Variants in SPOCK1 observed in about 807,000 individuals in gnomAD.
SPOCK1 encodes testican-1.
Under a neutral mutation model 55.3 loss-of-function variants are expected in SPOCK1, and 23 were observed. That is an observed-to-expected ratio of 0.42 (90% CI 0.30 to 0.59). The LOEUF is 0.59. Ranked by LOEUF, SPOCK1 falls within the 20% of genes least tolerant of loss-of-function variation. The probability of loss-of-function intolerance (pLI) is 0.22; values close to 1 mark genes in which losing one functional copy is unlikely to be tolerated. For synonymous variants in SPOCK1, 226 were observed against 221.0 expected (o/e 1.02, Z -0.20); for missense variants, 499 against 552.5 (o/e 0.90, Z 0.97).
chr5:137,027,365 A>C (rs567836652), intron 6 of SPOCK1, among the ~76,000 whole-genome samples: 1 of 152,332 alleles, frequency 6.6e-6, no homozygotes, highest in East Asian at 1.9e-4. Context: ...GCTTATAAAA[A>C]TCTAGTGTTA....
intron 2 of SPOCK1, among the ~76,000 whole-genome samples, chr5:137,268,409 G>T (rs1044118041): frequency 1.3e-5 from 2 of 152,150 alleles, no homozygotes; most frequent in Non-Finnish European, 2.9e-5. Flanking sequence ...TCACCCATCT[G>T]GTTAGGGAGT....
chr5:136,985,818 A>G (rs995059703), intron 8 of SPOCK1, among the ~76,000 whole-genome samples: 3 of 152,188 alleles, frequency 2.0e-5, no homozygotes, highest in African/African-American at 7.2e-5. Flanking sequence ...TGTCATAGAA[A>G]AGAAGTTAGT....
chr5:137,029,102 C>T (rs1470329087), intron 6 of SPOCK1, among the ~76,000 whole-genome samples: 1 of 152,150 alleles, frequency 6.6e-6, no homozygotes, highest in Non-Finnish European at 1.5e-5. Context: ...GAGAGCCATA[C>T]CCAGAGAGTA....
intron 2 of SPOCK1, among the ~76,000 whole-genome samples, chr5:137,272,734 AC>A (rs35508523): frequency 0.72 from 74,154 of 102,496 alleles, 24,679 homozygotes; most frequent in African/African-American, 0.78. Flanking sequence ...ACCCACCCCC[AC>A]CCCCCCACCC....
chr5:137,207,507 A>G (rs900085714), intron 3 of SPOCK1, among the ~76,000 whole-genome samples: 5 of 152,202 alleles, frequency 3.3e-5, no homozygotes, highest in Non-Finnish European at 5.9e-5. Flanking sequence ...GGGTTTCCAT[A>G]TGCTTTACCT....
intron 2 of SPOCK1, among the ~76,000 whole-genome samples, chr5:137,279,283 G>C (rs935328924): frequency 6.6e-6 from 1 of 152,204 alleles, no homozygotes; most frequent in African/African-American, 2.4e-5. Flanking sequence ...TCTAGCCAGA[G>C]GAGAAGTAAC....
At position 137,136,401 on chromosome 5, in the gene SPOCK1, A is replaced by T. The variant is rs551574288; in HGVS notation, c.347+4179T>A. Among the ~76,000 whole-genome samples the T allele has an allele frequency of 1.7e-3, 266 of 152,284 alleles. 6 individuals are homozygous for T. The South Asian group carries it at 0.035, about 20-fold the overall frequency. ...ATGATGGAGACTGTCTCAAAAAAAA[A>T]TTATATCTATAAATAATTTGTAGTA... is the stretch of plus-strand genomic sequence containing the variant. On this transcript the variant is annotated intron_variant, in intron 4 of 10. Transcript: ENST00000394945.
intron 2 of SPOCK1, among the ~76,000 whole-genome samples, chr5:137,471,357 C>T (rs1753734126): frequency 6.6e-6 from 1 of 152,024 alleles, no homozygotes; most frequent in South Asian, 2.1e-4. Context: ...TTTTGTTTTG[C>T]TTTGACACCC....
intron 2 of SPOCK1, among the ~76,000 whole-genome samples, chr5:137,267,615 G>A (rs1756885162): frequency 6.6e-6 from 1 of 152,176 alleles, no homozygotes; most frequent in African/African-American, 2.4e-5. Flanking sequence ...AAAAACAAAG[G>A]CTGGCCAGTC....
At chr5:137,327,431 ATAACATAACGAAGTGT>A (rs1474381159) in intron 2 of SPOCK1, among the ~76,000 whole-genome samples, 16 of 152,346 alleles carry the variant, frequency 1.1e-4, no homozygotes, top group South Asian at 1.0e-3. Context: ...ATTCTAGAGT[ATAACATAACGAAGTGT>A]TAAATATCCC....
chr5:137,119,636 A>C (rs1277020177), intron 4 of SPOCK1, among the ~76,000 whole-genome samples: 4 of 152,242 alleles, frequency 2.6e-5, no homozygotes, highest in South Asian at 2.1e-4. Flanking sequence ...AACAAGGCAA[A>C]GAGAACTGAA....
At chr5:137,090,221 T>C (rs1403781068) in intron 5 of SPOCK1, among the ~76,000 whole-genome samples, 1 of 152,240 alleles carries the variant, frequency 6.6e-6, no homozygotes, top group Non-Finnish European at 1.5e-5. Context: ...AACAAACAAG[T>C]AATTTTTAGC....
intron 3 of SPOCK1, among the ~76,000 whole-genome samples, chr5:137,192,232 CAAAAAA>C (rs60401497): frequency 7.3e-5 from 5 of 68,250 alleles, no homozygotes; most frequent in Non-Finnish European, 1.4e-4. Context: ...GACTCTGTCT[CAAAAAA>C]AAAAAAAAAA....
intron 5 of SPOCK1, among the ~76,000 whole-genome samples, chr5:137,097,877 G>T (rs575898160): frequency 6.6e-6 from 1 of 152,308 alleles, no homozygotes; most frequent in East Asian, 1.9e-4. Context: ...TCAACCAGAG[G>T]TGCCTGCTGC....
chr5:137,075,685 C>T (rs943918315), intron 5 of SPOCK1, among the ~76,000 whole-genome samples: 1 of 152,156 alleles, frequency 6.6e-6, no homozygotes, highest in Non-Finnish European at 1.5e-5. Context: ...AACTGTGTGA[C>T]GAAACCAGTG....
intron 2 of SPOCK1, among the ~76,000 whole-genome samples, chr5:137,405,126 A>C (rs918177157): frequency 1.3e-5 from 2 of 152,224 alleles, no homozygotes; most frequent in African/African-American, 4.8e-5. Flanking sequence ...AACCCCACCT[A>C]AGACAAGCTT....
intron 3 of SPOCK1, among the ~76,000 whole-genome samples, chr5:137,182,201 T>C (rs1197759666): frequency 3.3e-5 from 5 of 152,206 alleles, no homozygotes; most frequent in African/African-American, 4.8e-5. Flanking sequence ...CCCATCTCTC[T>C]GGCCTTCATC....
chr5:137,439,643 C>T (rs1021668371), intron 2 of SPOCK1, among the ~76,000 whole-genome samples: 1 of 152,104 alleles, frequency 6.6e-6, no homozygotes, highest in African/African-American at 2.4e-5. Context: ...TAATTGAGGG[C>T]ATAGGTTTAA....
At chr5:137,306,161 C>T (rs575440299) in intron 2 of SPOCK1, among the ~76,000 whole-genome samples, 2 of 152,220 alleles carry the variant, frequency 1.3e-5, no homozygotes, top group Non-Finnish European at 2.9e-5. Flanking sequence ...ACACGTCATA[C>T]AGTGCACAGC....
Sources: allele counts gnomAD v4.1 joint callset (sites outside exome capture counted in the v4.1 genomes callset), GRCh38; gene constraint gnomAD v4.1.1; transcripts MANE v1.5; gene names NCBI Gene and HGNC (gene_info 2026-07-23, HGNC 2026-07-21).